RBFOX1: variants seen among roughly 807,000 people sequenced by gnomAD.
The protein encoded by RBFOX1 is RNA binding protein fox-1 homolog 1.
A neutral mutation model predicts 57.7 loss-of-function variants in RBFOX1; 8 were observed. The ratio of observed to expected loss-of-function variants is 0.14; its 90% CI spans 0.08 to 0.25. RBFOX1 has a LOEUF of 0.25. RBFOX1 is among the 10% of genes least tolerant of loss of function. RBFOX1 has a pLI of 1.00. For synonymous variants in RBFOX1, 326 were observed against 222.4 expected (o/e 1.47, Z -4.15); for missense variants, 611 against 548.5 (o/e 1.11, Z -1.14).
At chr16:7,396,688 C>G (rs1406281025) in intron 4 of RBFOX1, among the ~76,000 whole-genome samples, 1 of 152,164 alleles carries the variant, frequency 6.6e-6, no homozygotes, top group Non-Finnish European at 1.5e-5. Context: ...ACCTGTAATC[C>G]CAGCACTTTG....
intron 2 of RBFOX1, among the ~76,000 whole-genome samples, chr16:6,363,229 A>G (rs566126391): frequency 6.6e-6 from 1 of 152,164 alleles, no homozygotes; most frequent in Non-Finnish European, 1.5e-5. Context: ...TTTTTCTATA[A>G]TGTGGCCTTC....
In RBFOX1 at chr16:6,098,695, G is replaced by C. The variant is rs78326653; in HGVS notation, c.-127+78703G>C. Among the ~76,000 whole-genome samples the C allele has an allele frequency of 6.8e-3, 1,030 of 152,284 alleles. 15 individuals carry two copies. The highest frequency in any genetic ancestry group is 0.024 in the African/African-American group (977 of 41,538). The stretch of plus-strand genomic sequence containing the variant: ...TTCCACCAAAAAGCTCATCATCTGA[G>C]ACCCTTACTACGGGTACAGATGTCC... On this transcript the variant is annotated intron_variant, in intron 1 of 15. Coordinates refer to ENST00000550418, the MANE Select transcript of RBFOX1 (RefSeq NM_018723.4).
chr16:6,862,212 C>A (rs567815580), intron 3 of RBFOX1, among the ~76,000 whole-genome samples: 1 of 152,110 alleles, frequency 6.6e-6, no homozygotes, highest in Admixed American at 6.5e-5. Context: ...AGTACTGACC[C>A]TTACTCTAGA....
intron 2 of RBFOX1, among the ~76,000 whole-genome samples, chr16:5,581,412 C>T (rs1430647015): frequency 6.6e-6 from 1 of 152,206 alleles, no homozygotes; most frequent in African/African-American, 2.4e-5. Context: ...TGCTTGGTTC[C>T]TGGAGGGAGA....
At chr16:7,392,998 C>T (rs536840963) in intron 4 of RBFOX1, among the ~76,000 whole-genome samples, 6 of 152,188 alleles carry the variant, frequency 3.9e-5, no homozygotes, top group South Asian at 2.1e-4. Context: ...TTCAGCCTCC[C>T]GTATAGCTGG....
chr16:6,921,615 A>G (rs942568918), intron 3 of RBFOX1, among the ~76,000 whole-genome samples: 2 of 144,938 alleles, frequency 1.4e-5, no homozygotes, highest in Non-Finnish European at 3.0e-5. Flanking sequence ...ATGTATATAC[A>G]TAAATTACTG....
At chr16:6,985,097 C>A (rs961210149) in intron 3 of RBFOX1, among the ~76,000 whole-genome samples, 4 of 151,964 alleles carry the variant, frequency 2.6e-5, no homozygotes, top group Non-Finnish European at 5.9e-5. Flanking sequence ...TTTCCTCTCC[C>A]CTCTCCTTCC....
intron 4 of RBFOX1, among the ~76,000 whole-genome samples, chr16:7,502,574 AC>A (rs1275688800): frequency 3.3e-5 from 5 of 152,066 alleles, no homozygotes; most frequent in African/African-American, 7.2e-5. Context: ...TGAGGCATAA[AC>A]TTTTTTGTTT....
intron 3 of RBFOX1, among the ~76,000 whole-genome samples, chr16:6,655,347 C>G (rs1486991534): frequency 1.1e-5 from 1 of 94,464 alleles, no homozygotes; most frequent in Non-Finnish European, 2.1e-5. Context: ...GCACTCCAGC[C>G]TGAGTGACAA....
chr16:6,871,002 A>C (rs566739131), intron 3 of RBFOX1, among the ~76,000 whole-genome samples: 25 of 152,370 alleles, frequency 1.6e-4, no homozygotes, highest in Admixed American at 6.5e-4. Context: ...CCAGTGAATA[A>C]CAGATGCTCA....
rs193188813 is a variant in RBFOX1 at position 6,829,796 on chromosome 16, T to C, written c.-16+175146T>C. ...TTTGCATTTGTAGTAGAAATAGGAT[T>C]TCGCCACGTTGGCCAGGCTGGTATC... On this transcript the variant is annotated intron_variant, in intron 3 of 15. Transcript: ENST00000550418. Among the ~76,000 whole-genome samples, 169 of 152,240 alleles carry C rather than the reference T, an allele frequency of 1.1e-3. 1 individual carries two copies. The highest frequency in any genetic ancestry group is 3.9e-3 in the African/African-American group (163 of 41,508).
chr16:5,363,656 C>G (rs555454998), intron 1 of RBFOX1, among the ~76,000 whole-genome samples: 4 of 152,162 alleles, frequency 2.6e-5, no homozygotes, highest in African/African-American at 9.7e-5. Context: ...AATCATGACC[C>G]TTCTTGCACA....
chr16:5,353,593 C>A (rs1234503639), intron 1 of RBFOX1, among the ~76,000 whole-genome samples: 1 of 152,052 alleles, frequency 6.6e-6, no homozygotes, highest in Non-Finnish European at 1.5e-5. Context: ...CTACATAAGT[C>A]CTCCTTGGTG....
At chr16:7,240,781 G>C (rs188304763) in intron 4 of RBFOX1, among the ~76,000 whole-genome samples, 56 of 152,258 alleles carry the variant, frequency 3.7e-4, no homozygotes, top group African/African-American at 1.3e-3. Context: ...TGTTGCCCAG[G>C]CTGGTCTCAA....
chr16:7,020,792 C>T (rs780303007), intron 3 of RBFOX1, among the ~76,000 whole-genome samples: 2 of 152,044 alleles, frequency 1.3e-5, no homozygotes, highest in African/African-American at 2.4e-5. Flanking sequence ...CTTAATGTTC[C>T]CAGTATCCAC....
At chr16:6,380,449 T>G (rs1295172160) in intron 2 of RBFOX1, among the ~76,000 whole-genome samples, 1 of 119,444 alleles carries the variant, frequency 8.4e-6, no homozygotes, top group African/African-American at 3.5e-5. Flanking sequence ...TTTTTTTTAG[T>G]AGAACTCAGC....
At chr16:6,753,702 C>T (rs2075331916) in intron 3 of RBFOX1, among the ~76,000 whole-genome samples, 1 of 149,924 alleles carries the variant, frequency 6.7e-6, no homozygotes, top group African/African-American at 2.4e-5. Context: ...TGCCCTCCTC[C>T]TGTCTTGTGT....
intron 3 of RBFOX1, among the ~76,000 whole-genome samples, chr16:5,828,706 A>G (rs914518064): frequency 3.9e-5 from 6 of 152,124 alleles, no homozygotes; most frequent in African/African-American, 1.4e-4. Context: ...AAAAGAAAAG[A>G]AAAGAAAAAA....
intron 4 of RBFOX1, among the ~76,000 whole-genome samples, chr16:7,432,989 A>G (rs1199850515): frequency 6.6e-6 from 1 of 152,202 alleles, no homozygotes; most frequent in Non-Finnish European, 1.5e-5. Context: ...GTGGAGGGAA[A>G]CAGGGAAGGA....
Sources: allele counts gnomAD v4.1 joint callset (sites outside exome capture counted in the v4.1 genomes callset), GRCh38; gene constraint gnomAD v4.1.1; transcripts MANE v1.5; gene names NCBI Gene and HGNC (gene_info 2026-07-23, HGNC 2026-07-21).